LMO7: variants seen among roughly 807,000 people sequenced by gnomAD.
LMO7 encodes LIM domain 7.
In LMO7, 120 loss-of-function variants were observed where a neutral mutation model predicts 206.5. The observed-to-expected ratio is 0.58, with a 90% CI of 0.50 to 0.68. LMO7 has a LOEUF of 0.68. Among genes scored for constraint, LMO7 ranks in the 30% least tolerant of loss-of-function variants. The pLI, the probability that LMO7 is intolerant of heterozygous loss-of-function variation, is 0.00. For missense variants in LMO7, 1,959 were observed against 1,957.9 expected, an observed-to-expected ratio of 1.00 and a Z score of -0.01; for synonymous variants, 706 against 681.5, an observed-to-expected ratio of 1.04 and a Z score of -0.56.
chr13:75,835,927 C>G (rs1398213603), intron 18 of LMO7, among the ~76,000 whole-genome samples: 2 of 152,142 alleles, frequency 1.3e-5, no homozygotes, highest in Non-Finnish European at 2.9e-5. Context: ...ACAAATTGTT[C>G]ATTTAAATTA....
intron 1 of LMO7, among the ~76,000 whole-genome samples, chr13:75,707,343 T>C (rs954728344): frequency 1.3e-5 from 2 of 152,094 alleles, no homozygotes. Context: ...TTTCCCAATT[T>C]TTCATAAATT....
At chr13:75,673,800 G>A (rs2039787580) in intron 1 of LMO7, among the ~76,000 whole-genome samples, 1 of 152,146 alleles carries the variant, frequency 6.6e-6, no homozygotes, top group South Asian at 2.1e-4. Context: ...TCCAGAATTG[G>A]CTGAAAAGCA....
chr13:75,684,525 G>T (rs913983478), intron 1 of LMO7, among the ~76,000 whole-genome samples: 3 of 149,100 alleles, frequency 2.0e-5, no homozygotes, highest in Non-Finnish European at 4.4e-5. Flanking sequence ...GATTACAGGC[G>T]TGAGCCACTG....
chr13:75,730,579 G>T (rs9544039), intron 3 of LMO7, among the ~76,000 whole-genome samples: 1 of 150,138 alleles, frequency 6.7e-6, no homozygotes, highest in Non-Finnish European at 1.5e-5. Context: ...CAAAAAACCA[G>T]CTCCTGGATT....
chr13:75,713,393 A>G (rs1176843810), intron 2 of LMO7, 141 bp downstream of exon 2: 5 of 527,228 alleles, frequency 9.5e-6, no homozygotes, highest in Non-Finnish European at 1.7e-5. Flanking sequence ...ATCCCTGCAA[A>G]TTGATACCTC....
At chr13:75,775,901 G>A (rs1364458214) in intron 4 of LMO7, among the ~76,000 whole-genome samples, 1 of 151,572 alleles carries the variant, frequency 6.6e-6, no homozygotes, top group Non-Finnish European at 1.5e-5. Flanking sequence ...GGAAAACAGT[G>A]TGGAGATTTT....
At chr13:75,804,978 T>C (rs1056926663) in intron 8 of LMO7, 20 of 999,046 alleles carry the variant, frequency 2.0e-5, no homozygotes, top group Non-Finnish European at 2.4e-5. Context: ...TGGTTCGGAC[T>C]CTGAGGATGA....
At chr13:75,772,365 A>C (rs1001488564) in intron 4 of LMO7, among the ~76,000 whole-genome samples, 8 of 152,154 alleles carry the variant, frequency 5.3e-5, no homozygotes, top group Admixed American at 2.0e-4. Flanking sequence ...TGTGATAAAC[A>C]CTTGAGTTTT....
intron 1 of LMO7, among the ~76,000 whole-genome samples, chr13:75,675,726 T>C (rs890185071): frequency 6.6e-6 from 1 of 152,240 alleles, no homozygotes. Context: ...CAGTCATTCA[T>C]TGTAAAATGC....
chr13:75,693,316 T>A (rs181299348), intron 1 of LMO7, among the ~76,000 whole-genome samples: 27 of 152,328 alleles, frequency 1.8e-4, no homozygotes, highest in Admixed American at 1.6e-3. Flanking sequence ...CAATTTTAAG[T>A]CTTTTTGTGT....
At position 75,728,891 on chromosome 13, in the gene LMO7, C is replaced by T. The variant is rs1301844977; in HGVS notation, c.210+1793C>T. ...CATTTATTAAATAGGGAATCCTTTC[C>T]CCATTGCTTGTTTTTCTCAGGTTTG... On this transcript the variant is annotated intron_variant, in intron 3 of 30. Transcript: ENST00000377534. Among the ~76,000 whole-genome samples, 12 of 146,138 alleles carry T rather than the reference C, an allele frequency of 8.2e-5. No individual in the cohort carries two copies. The South Asian group carries it at 2.6e-3, about 32-fold the overall frequency.
chr13:75,647,330 G>A (rs964561253), intron 1 of LMO7, among the ~76,000 whole-genome samples: 7 of 152,082 alleles, frequency 4.6e-5, no homozygotes, highest in Non-Finnish European at 1.0e-4. Flanking sequence ...AAGAGATGTT[G>A]GTTTTGTTGT....
intron 4 of LMO7, among the ~76,000 whole-genome samples, chr13:75,777,177 C>G (rs567516838): frequency 7.0e-4 from 106 of 152,222 alleles, no homozygotes; most frequent in Non-Finnish European, 1.4e-3. Flanking sequence ...TTTTTTCTTC[C>G]TCCCCCAGTG....
At chr13:75,772,675 GA>G (rs2049915463) in intron 4 of LMO7, among the ~76,000 whole-genome samples, 1 of 152,002 alleles carries the variant, frequency 6.6e-6, no homozygotes, top group Non-Finnish European at 1.5e-5. Context: ...CTAAATGAAG[GA>G]ATTCTTTTTT....
intron 2 of LMO7, among the ~76,000 whole-genome samples, chr13:75,716,370 G>C (rs144057294): frequency 1.6e-4 from 25 of 152,220 alleles, no homozygotes; most frequent in African/African-American, 6.0e-4. Context: ...TGCGTTCATT[G>C]CCTTTTAATC....
intron 11 of LMO7, among the ~76,000 whole-genome samples, chr13:75,813,967 C>CT (rs2138075148): frequency 6.6e-6 from 1 of 152,260 alleles, no homozygotes; most frequent in South Asian, 2.1e-4. Context: ...CTTAGTGAGT[C>CT]TGTCATAGTA....
rs149464886 is a variant in LMO7, at chr13:75,699,126, A to G, written c.70-14056A>G. On this transcript the variant is annotated intron_variant, in intron 1 of 30. Coordinates refer to ENST00000377534, the MANE Select transcript of LMO7 (RefSeq NM_001306080.2). ...AAGATTTATTTATGTGATGGCATGT[A>G]TTAGTACAGTAGTGTTCCCTTATCA... Among the ~76,000 whole-genome samples, 16 of 152,272 alleles carry G rather than the reference A, an allele frequency of 1.1e-4. No homozygotes were observed. In the East Asian group the frequency reaches 2.9e-3, roughly 28 times the overall value.
intron 20 of LMO7, among the ~76,000 whole-genome samples, chr13:75,838,774 T>G (rs2059353575): frequency 6.6e-6 from 1 of 152,168 alleles, no homozygotes; most frequent in South Asian, 2.1e-4. Context: ...GTTTTGAGAT[T>G]CTCCGTGTTG....
At chr13:75,769,751 G>A (rs1258614831) in intron 4 of LMO7, among the ~76,000 whole-genome samples, 1 of 152,044 alleles carries the variant, frequency 6.6e-6, no homozygotes, top group Non-Finnish European at 1.5e-5. Flanking sequence ...TGTGCTTTGA[G>A]CAATTTGAGG....
Sources: allele counts gnomAD v4.1 joint callset (sites outside exome capture counted in the v4.1 genomes callset), GRCh38; gene constraint gnomAD v4.1.1; transcripts MANE v1.5; gene names NCBI Gene and HGNC (gene_info 2026-07-23, HGNC 2026-07-21).